Variants in SLC22A15 observed in about 807,000 individuals in gnomAD.
SLC22A15 encodes the protein solute carrier family 22 member 15.
Under a neutral mutation model 62.7 loss-of-function variants are expected in SLC22A15, and 45 were observed. The observed-to-expected ratio is 0.72, with a 90% CI of 0.56 to 0.92. The LOEUF is 0.92. Ranked by LOEUF, SLC22A15 falls within the 40% of genes least tolerant of loss-of-function variation. SLC22A15 has a pLI of 0.00. For missense variants in SLC22A15, 622 were observed against 665.6 expected (o/e 0.93, Z 0.72); for synonymous variants, 264 against 267.0 (o/e 0.99, Z 0.11).
chr1:115,980,153 G>C (rs1266691679), intron 1 of SLC22A15, among the ~76,000 whole-genome samples: 1 of 152,148 alleles, frequency 6.6e-6, no homozygotes, highest in Non-Finnish European at 1.5e-5. Flanking sequence ...TTTAACTTCA[G>C]TGGTCATCTG....
At chr1:115,984,872 A>G (rs1009172381) in intron 1 of SLC22A15, among the ~76,000 whole-genome samples, 1 of 152,128 alleles carries the variant, frequency 6.6e-6, no homozygotes, top group East Asian at 1.9e-4. Context: ...AAAAAAGCTT[A>G]TAGAATAAGG....
chr1:116,053,212 A>T (rs992021399), intron 8 of SLC22A15, among the ~76,000 whole-genome samples: 2 of 152,222 alleles, frequency 1.3e-5, no homozygotes, highest in African/African-American at 2.4e-5. Context: ...TGCTTAAAGG[A>T]GCTGATGGAG....
chr1:115,986,846 G>A (rs979156339), intron 1 of SLC22A15, among the ~76,000 whole-genome samples: 1 of 152,200 alleles, frequency 6.6e-6, no homozygotes, highest in Non-Finnish European at 1.5e-5. Flanking sequence ...CTTGGATAAA[G>A]ATGTACCATT....
intron 8 of SLC22A15, among the ~76,000 whole-genome samples, chr1:116,039,455 C>T (rs1425874914): frequency 6.6e-6 from 1 of 152,034 alleles, no homozygotes; most frequent in Non-Finnish European, 1.5e-5. Flanking sequence ...ATTGCTTGAA[C>T]CCAGGAGCTG....
At chr1:115,990,262 A>G (rs763743257) in intron 1 of SLC22A15, among the ~76,000 whole-genome samples, 1 of 152,238 alleles carries the variant, frequency 6.6e-6, no homozygotes, top group Non-Finnish European at 1.5e-5. Flanking sequence ...GAATAAAGGT[A>G]GGAAAGGGTA....
At chr1:116,014,078 C>T (rs1656408978) in intron 2 of SLC22A15, 1 of 152,192 alleles carries the variant, frequency 6.6e-6, no homozygotes, top group Non-Finnish European at 1.5e-5. Context: ...CATTTATTCT[C>T]AGCATCTAAG....
At chr1:116,064,319 T>G (rs1658447303) in intron 9 of SLC22A15, 117 bp from the exon 10 acceptor site, 5 of 704,798 alleles carry the variant, frequency 7.1e-6, no homozygotes, top group African/African-American at 1.8e-5. Flanking sequence ...CCCACTGTTC[T>G]CTAGGATCCT....
Position 116,061,727 on chromosome 1 carries a change from A to G in SLC22A15, c.1172-1035A>G, listed in dbSNP as rs538174748. Among the ~76,000 whole-genome samples the G allele has an allele frequency of 1.3e-4, 20 of 152,252 alleles. No homozygotes were observed. The South Asian group carries it at 1.7e-3, about 13-fold the overall frequency. On this transcript the variant is annotated intron_variant, in intron 8 of 11. Transcript: ENST00000369503. ...TAAATTGTAGAATCCCAGAAAGTAT[A>G]ATGTTAATAAAGGAAAAAAAATAAG... is the stretch of plus-strand genomic sequence containing the variant.
intron 10 of SLC22A15, among the ~76,000 whole-genome samples, chr1:116,065,770 A>G (rs1489094859): frequency 6.6e-6 from 1 of 152,202 alleles, no homozygotes; most frequent in Non-Finnish European, 1.5e-5. Flanking sequence ...TTGGAAGCCT[A>G]AACCAGAAGA....
chr1:116,037,200 C>T lies in SLC22A15; in HGVS notation c.1086-103C>T, dbSNP rs1657653227. 4 of 972,906 alleles carry T rather than the reference C, an allele frequency of 4.1e-6. No homozygotes were observed. In the Admixed American group the frequency reaches 7.5e-5, roughly 18 times the overall value. The allele number at this position is 972,906 out of a possible 1,614,324, so 60.3% of individuals were successfully genotyped here. A position where few individuals can be genotyped will look rare whatever the true frequency, so the allele number is the denominator to read the frequency against. On this transcript the variant is annotated intron_variant, in intron 7 of 11. Coordinates refer to ENST00000369503, the MANE Select transcript of SLC22A15 (RefSeq NM_018420.3). ...CCACTTAGCCTTAAGAGGAGATGAA[C>T]ATATATAATGAAACTGAAGATTTTT... is the stretch of plus-strand genomic sequence containing the variant.
At position 116,026,909 on chromosome 1, in the gene SLC22A15, G is replaced by C. The variant is rs2488429; in HGVS notation, c.615G>C (p.Leu205=). The change falls in exon 5 of 12, where the codon CTG becomes CTC. Residue 205 remains leucine, a synonymous_variant. Coordinates refer to ENST00000369503, the MANE Select transcript of SLC22A15 (RefSeq NM_018420.3). ...CTGAATTAGGATCGATTGGCGGCCTGTTCTTTGCAGTTGGCATTGCCCAAT... is the reference window on the plus strand; with the variant it reads ...CTGAATTAGGATCGATTGGCGGCCTCTTCTTTGCAGTTGGCATTGCCCAAT... ...YWALAGSIGG[L]FFAVGIAQYA... 0.94 allele frequency: 1,518,697 copies of C among 1,613,314 alleles called. 715,609 individuals are homozygous for C. The highest frequency in any genetic ancestry group is 0.98 in the Middle Eastern group (5,550 of 5,688).
intron 8 of SLC22A15, among the ~76,000 whole-genome samples, chr1:116,052,784 C>T (rs12126432): frequency 6.6e-6 from 1 of 152,158 alleles, no homozygotes; most frequent in Non-Finnish European, 1.5e-5. Flanking sequence ...ACTGCTGATA[C>T]CCAGGCAAAC....
chr1:115,986,692 C>T (rs896090984), intron 1 of SLC22A15, among the ~76,000 whole-genome samples: 2 of 152,210 alleles, frequency 1.3e-5, no homozygotes, highest in African/African-American at 4.8e-5. Context: ...GAAATGCAGA[C>T]TCTTACCCCC....
intron 6 of SLC22A15, chr1:116,032,373 G>T: frequency 1.1e-5 from 11 of 985,298 alleles, no homozygotes; most frequent in Non-Finnish European, 1.3e-5. Flanking sequence ...TGTTATCTGG[G>T]CAAAATCATA....
At chr1:115,994,895 A>G (rs1655342751) in intron 2 of SLC22A15, among the ~76,000 whole-genome samples, 1 of 152,112 alleles carries the variant, frequency 6.6e-6, no homozygotes, top group Non-Finnish European at 1.5e-5. Flanking sequence ...ATAGCATTGT[A>G]TTTTCCTCTC....
chr1:116,066,681 A>T lies in SLC22A15; in HGVS notation c.1527A>T (p.Leu509Phe), dbSNP rs1436886019. ...ATCGCAGGCTGGGAGAAGAAGCATT[A>T]TCTTTACAGGCTTTGGACCCCCAAC... ...YSYRRLGEEA[L>F]SLQALDPQQC... The change falls in exon 11 of 12, where the codon TTA becomes TTT. Residue 509 changes from leucine to phenylalanine, a missense_variant. By Grantham distance (22) the Leu-to-Phe change is conservative (BLOSUM62 0). Coordinates refer to ENST00000369503, the MANE Select transcript of SLC22A15 (RefSeq NM_018420.3). The T allele has an allele frequency of 6.2e-7, 1 of 1,612,894 alleles. No homozygotes were observed. Among genetic ancestry groups the T allele is most frequent in the Non-Finnish European group, 8.5e-7 (1 of 1,179,542 alleles).
In SLC22A15 at chr1:116,027,316, T is replaced by C. The variant is rs779567482; in HGVS notation, c.728+294T>C. On this transcript the variant is annotated intron_variant, in intron 5 of 11. Coordinates refer to ENST00000369503, the MANE Select transcript of SLC22A15 (RefSeq NM_018420.3). The stretch of plus-strand genomic sequence containing the variant: ...CTTTTTTAACCTAATACCTCAACCT[T>C]AAAGGTCTTCAGACTGGATCACATT... The C allele has an allele frequency of 7.3e-6, 4 of 547,946 alleles. No homozygotes were observed. The East Asian group carries it at 1.9e-4, about 27-fold the overall frequency. The allele number at this position is 547,946 out of a possible 1,614,324, so 33.9% of individuals were successfully genotyped here. A position where few individuals can be genotyped will look rare whatever the true frequency, so the allele number is the denominator to read the frequency against.
chr1:115,997,913 C>T (rs1655506706), intron 2 of SLC22A15, among the ~76,000 whole-genome samples: 1 of 152,090 alleles, frequency 6.6e-6, no homozygotes, highest in Non-Finnish European at 1.5e-5. Flanking sequence ...CAGTGTGATA[C>T]TAGCTGTGAG....
Position 116,052,451 on chromosome 1 carries a change from G to T in SLC22A15, c.1172-10311G>T, listed in dbSNP as rs557499814. Among the ~76,000 whole-genome samples the T allele has an allele frequency of 1.9e-3, 282 of 152,354 alleles. 1 individual carries two copies. Among genetic ancestry groups the T allele is most frequent in the African/African-American group, 6.6e-3 (275 of 41,596 alleles). ...CAAGGAGGCCTGCCTCCTTCTGTAG[G>T]CTCCACCTCTGGGGGCAGGGCACAG... On this transcript the variant is annotated intron_variant, in intron 8 of 11. Transcript: ENST00000369503.
Sources: gnomAD v4.1 joint callset for allele counts (sites outside exome capture counted in the v4.1 genomes callset) on GRCh38, gnomAD v4.1.1 for gene constraint, MANE v1.5 for transcripts, NCBI Gene and HGNC (gene_info 2026-07-23, HGNC 2026-07-21) for gene names.